NBEAL1: variants seen among roughly 807,000 people sequenced by gnomAD.
NBEAL1 encodes neurobeachin like 1.
In NBEAL1, 273 loss-of-function variants were observed where a neutral mutation model predicts 351.3. That is an observed-to-expected ratio of 0.78 (90% CI 0.70 to 0.86). The LOEUF (loss-of-function observed/expected upper bound fraction) is 0.86, where lower values mean the gene tolerates loss of function less well. NBEAL1 is among the 40% of genes least tolerant of loss of function. NBEAL1 has a pLI of 0.00. For synonymous variants in NBEAL1, 1,050 were observed against 1,086.4 expected (o/e 0.97, Z 0.66); for missense variants, 2,961 against 3,201.3 (o/e 0.92, Z 1.81).
At chr2:203,089,402 C>T (rs2062024464) in intron 10 of NBEAL1, among the ~76,000 whole-genome samples, 3 of 151,632 alleles carry the variant, frequency 2.0e-5, no homozygotes, top group Admixed American at 2.0e-4. Context: ...GGTCTTTCTG[C>T]CTGTCGCAGA....
At chr2:203,161,259 G>A (rs1188065386) in intron 36 of NBEAL1, among the ~76,000 whole-genome samples, 1 of 150,578 alleles carries the variant, frequency 6.6e-6, no homozygotes, top group East Asian at 2.0e-4. Context: ...CCTGGGAGGC[G>A]GAGCTTGCAG....
At chr2:203,130,181 G>C (rs1318039667) in intron 24 of NBEAL1, 137 bp from the exon 25 acceptor site, 2 of 845,450 alleles carry the variant, frequency 2.4e-6, no homozygotes, top group African/African-American at 3.6e-5. Context: ...TTTTTAAAAA[G>C]ACATCATATC....
chr2:203,147,625 G>T (rs1460578540), intron 33 of NBEAL1, among the ~76,000 whole-genome samples: 2 of 152,020 alleles, frequency 1.3e-5, no homozygotes, highest in Non-Finnish European at 2.9e-5. Flanking sequence ...TGAGAACATT[G>T]TTCCTTTCTT....
Position 203,172,033 on chromosome 2 carries a change from G to C in NBEAL1, c.6198+10G>C. 1.3e-6 allele frequency: 2 copies of C among 1,517,756 alleles called. No individual in the cohort carries two copies. The highest frequency in any genetic ancestry group is 1.7e-4 in the Middle Eastern group (1 of 5,764). 94.0% of individuals were successfully genotyped at this position (1,517,756 alleles called of 1,614,324 possible). ...TGCACAGTATCCTGTGGTAAGTTTT[G>C]CATAAACCTTATAAATGTGGAATTG... On this transcript the variant is annotated intron_variant, in intron 40 of 55. Transcript: ENST00000683969.
chr2:203,048,255 G>C (rs2061263318), intron 3 of NBEAL1, among the ~76,000 whole-genome samples: 1 of 151,758 alleles, frequency 6.6e-6, no homozygotes, highest in African/African-American at 2.4e-5. Context: ...GGTGGCACGT[G>C]CCTGTAATCC....
At chr2:203,045,060 A>G (rs1024117306) in intron 3 of NBEAL1, among the ~76,000 whole-genome samples, 3 of 152,184 alleles carry the variant, frequency 2.0e-5, no homozygotes, top group Non-Finnish European at 2.9e-5. Flanking sequence ...AAAAATTTCA[A>G]CTTTATCTAT....
rs751478800 is a variant in NBEAL1 at position 203,138,232 on chromosome 2, G to A, written c.4636G>A (p.Glu1546Lys). ...REAKTNPVTA[E>K]NAFRLVLIIQ... ...AGCAAAAACTAATCCAGTAACTGCTGAAAACGCCTTCCGACTAGTGCTGAT... is the reference window on the plus strand; with the variant it reads ...AGCAAAAACTAATCCAGTAACTGCTAAAAACGCCTTCCGACTAGTGCTGAT... The change falls in exon 30 of 56, where the codon GAA becomes AAA. Residue 1546 changes from glutamate to lysine, a missense_variant. Physicochemically the swap from Glu to Lys is moderately conservative, Grantham distance 56. Coordinates refer to ENST00000683969, the MANE Select transcript of NBEAL1 (RefSeq NM_001378026.1). 1.9e-6 allele frequency: 3 copies of A among 1,613,972 alleles called. No homozygotes were observed. Among genetic ancestry groups the A allele is most frequent in the Non-Finnish European group, 2.5e-6 (3 of 1,179,974 alleles).
chr2:203,175,230 A>G lies in NBEAL1; in HGVS notation c.6407A>G (p.His2136Arg), dbSNP rs752319756. 2 of 1,613,934 alleles carry G rather than the reference A, an allele frequency of 1.2e-6. No homozygotes were observed. The highest frequency in any genetic ancestry group is 1.7e-6 in the Non-Finnish European group (2 of 1,179,964). ...THYSNSAGVM[H>R]YLIRVEPFTT... ...TATTCAAATTCTGCGGGGGTCATGC[A>G]CTATCTCATTCGTGTAGAACCGTTC... Residue 2136 changes from histidine to arginine, a missense_variant, in exon 42 of 56, where the codon CAC becomes CGC. By Grantham distance (29) the His-to-Arg change is conservative (BLOSUM62 0). Coordinates refer to ENST00000683969, the MANE Select transcript of NBEAL1 (RefSeq NM_001378026.1).
rs1003111525 is a variant in NBEAL1, at chr2:203,193,882, C to A, written c.7009C>A (p.Leu2337Ile). Reference sequence around the variant, plus strand: ...TTCAACCCTAAACCTGTTTCAACACCTTCCTGAACTCAAGTCATTTTTTAT... The same window carrying A: ...TTCAACCCTAAACCTGTTTCAACACATTCCTGAACTCAAGTCATTTTTTAT... ...DTSTLNLFQH[L>I]PELKSFFIEG... Residue 2337 changes from leucine to isoleucine, a missense_variant, in exon 47 of 56, where the codon CTT (leucine) becomes ATT (isoleucine). Transcript: ENST00000683969. 6.2e-7 allele frequency: 1 copy of A among 1,607,656 alleles called. No individual in the cohort carries two copies. The highest frequency in any genetic ancestry group is 8.5e-7 in the Non-Finnish European group (1 of 1,176,186).
chr2:203,208,684 T>G lies in NBEAL1; in HGVS notation c.7554T>G (p.Tyr2518Ter). Residue 2518 changes from tyrosine to a stop codon, truncating the protein, a stop_gained, in exon 52 of 56, where the codon TAT becomes TAG. Transcript: ENST00000683969. LOFTEE classifies it high-confidence loss of function. ...GLASKPFQIL[Y>*]GHTNEVLSVG... ...CATCTAAACCTTTTCAGATTCTTTATGGACACACCAACGAGGTACTGAGTG... is the reference window on the plus strand; with the variant it reads ...CATCTAAACCTTTTCAGATTCTTTAGGGACACACCAACGAGGTACTGAGTG... 1.9e-6 allele frequency: 3 copies of G among 1,612,858 alleles called. No individual in the cohort carries two copies. Among genetic ancestry groups the G allele is most frequent in the Non-Finnish European group, 2.5e-6 (3 of 1,179,756 alleles).
intron 11 of NBEAL1, among the ~76,000 whole-genome samples, chr2:203,098,231 T>A (rs2062226434): frequency 6.6e-6 from 1 of 152,214 alleles, no homozygotes; most frequent in Non-Finnish European, 1.5e-5. Context: ...GAAAAAAAAC[T>A]ACCTTTAAAA....
intron 19 of NBEAL1, among the ~76,000 whole-genome samples, chr2:203,123,350 T>TG (rs2062869835): frequency 6.6e-6 from 1 of 151,176 alleles, no homozygotes; most frequent in Non-Finnish European, 1.5e-5. Flanking sequence ...TTCTTTTTTT[T>TG]TTTTTTGAGG....
chr2:203,114,899 GT>G (rs1266585846), intron 17 of NBEAL1, among the ~76,000 whole-genome samples: 1 of 151,586 alleles, frequency 6.6e-6, no homozygotes, highest in Non-Finnish European at 1.5e-5. Context: ...TTACAGGTGT[GT>G]GCCACCACAC....
chr2:203,207,129 G>T (rs946757376), intron 51 of NBEAL1, among the ~76,000 whole-genome samples: 1 of 149,402 alleles, frequency 6.7e-6, no homozygotes, highest in African/African-American at 2.4e-5. Context: ...GAAGTGAGGA[G>T]ACCCTCTGCC....
chr2:203,068,462 C>T lies in NBEAL1; in HGVS notation c.585C>T (p.Val195=). ...YKPASLTVEF[V]PFFYQCFQES... is the part of the protein sequence containing the mutation. Reference sequence around the variant, plus strand: ...CAGCTTCTCTCACAGTGGAATTCGTCCCTTTCTTTTATCGTAAGTAACACC... The same window carrying T: ...CAGCTTCTCTCACAGTGGAATTCGTTCCTTTCTTTTATCGTAAGTAACACC... Residue 195 remains valine (V), a synonymous_variant, in exon 7 of 56, where the codon GTC becomes GTT. Coordinates refer to ENST00000683969, the MANE Select transcript of NBEAL1 (RefSeq NM_001378026.1). The T allele has an allele frequency of 1.3e-6, 2 of 1,543,434 alleles. No homozygotes were observed. Among genetic ancestry groups the T allele is most frequent in the Non-Finnish European group, 1.8e-6 (2 of 1,140,648 alleles).
At chr2:203,066,471 A>C (rs969033462) in intron 6 of NBEAL1, among the ~76,000 whole-genome samples, 11 of 152,082 alleles carry the variant, frequency 7.2e-5, no homozygotes, top group African/African-American at 2.7e-4. Context: ...TCCTATGTCA[A>C]CTTCTTTCTA....
intron 53 of NBEAL1, among the ~76,000 whole-genome samples, 150 bp from the exon 54 acceptor site, chr2:203,210,805 ATAT>A: frequency 6.6e-6 from 1 of 152,330 alleles, no homozygotes; most frequent in South Asian, 2.1e-4. Context: ...CACTTTAATA[ATAT>A]TGTCTACACA....
chr2:203,196,675 C>T (rs952294852), intron 47 of NBEAL1, among the ~76,000 whole-genome samples: 3 of 152,132 alleles, frequency 2.0e-5, no homozygotes, highest in Non-Finnish European at 4.4e-5. Context: ...ACACCTGATA[C>T]ATAGTACATA....
At chr2:203,145,947 C>T (rs895751234) in intron 33 of NBEAL1, among the ~76,000 whole-genome samples, 12 of 150,208 alleles carry the variant, frequency 8.0e-5, no homozygotes, top group Admixed American at 6.0e-4. Context: ...AAACCAAGGT[C>T]GAATTCTTCA....
Sources: allele counts gnomAD v4.1 joint callset (sites outside exome capture counted in the v4.1 genomes callset), GRCh38; gene constraint gnomAD v4.1.1; transcripts MANE v1.5; gene names NCBI Gene and HGNC (gene_info 2026-07-23, HGNC 2026-07-21).